LRRC7: variants seen among roughly 807,000 people sequenced by gnomAD.
LRRC7 encodes leucine-rich repeat-containing protein 7.
LRRC7 carries 23 observed loss-of-function variants against 175.7 expected under a neutral mutation model. The ratio of observed to expected loss-of-function variants is 0.13; its 90% CI spans 0.09 to 0.19. The LOEUF (loss-of-function observed/expected upper bound fraction) is 0.19. LRRC7 is among the 10% of genes least tolerant of loss of function. The pLI is 1.00. For synonymous variants in LRRC7, 685 were observed against 680.9 expected, an observed-to-expected ratio of 1.01 and a Z score of -0.09; for missense variants, 1,354 against 1,904.7, an observed-to-expected ratio of 0.71 and a Z score of 5.38.
At chr1:69,592,192 C>T (rs1646664191) in intron 1 of LRRC7, among the ~76,000 whole-genome samples, 1 of 151,904 alleles carries the variant, frequency 6.6e-6, no homozygotes, top group Non-Finnish European at 1.5e-5. Flanking sequence ...ATACACATAC[C>T]ACCCACAACA....
chr1:69,724,826 G>A (rs35004439), intron 2 of LRRC7, among the ~76,000 whole-genome samples: 13,774 of 151,970 alleles, frequency 0.091, 763 homozygotes, highest in East Asian at 0.26. Context: ...CTGTACTATA[G>A]GAACTTGCTA....
chr1:69,708,579 T>A (rs1664326435), intron 2 of LRRC7, among the ~76,000 whole-genome samples: 3 of 152,180 alleles, frequency 2.0e-5, no homozygotes, highest in Non-Finnish European at 1.5e-5. Flanking sequence ...ATAACAAAAT[T>A]TCTGTGGTAT....
chr1:69,706,106 TA>T (rs1664005403), intron 2 of LRRC7, among the ~76,000 whole-genome samples: 1 of 152,160 alleles, frequency 6.6e-6, no homozygotes, highest in Admixed American at 6.6e-5. Flanking sequence ...ATATTCAAGT[TA>T]ATGGCCTTGT....
intron 2 of LRRC7, among the ~76,000 whole-genome samples, chr1:69,712,289 T>A (rs1328964434): frequency 6.6e-6 from 1 of 151,994 alleles, no homozygotes; most frequent in African/African-American, 2.4e-5. Context: ...CTTTAAAATT[T>A]AATTTTCTAA....
At chr1:69,716,402 C>T (rs1298938548) in intron 2 of LRRC7, among the ~76,000 whole-genome samples, 1 of 151,774 alleles carries the variant, frequency 6.6e-6, no homozygotes, top group African/African-American at 2.4e-5. Context: ...TCTCAGGAAA[C>T]TCATTTTCTG....
intron 1 of LRRC7, among the ~76,000 whole-genome samples, chr1:69,573,295 A>G (rs1645812377): frequency 6.6e-6 from 1 of 152,126 alleles, no homozygotes; most frequent in Admixed American, 6.6e-5. Context: ...TCATGGCATA[A>G]ATTGAAGTTC....
rs1027221483 is a variant in LRRC7 at position 70,144,200 on chromosome 1, T to C, written c.*22313T>C. ...ATTAGAATGCATTTTGAAGATGCTT[T>C]CTGTACAGATACAAAATACAGGGAC... is the stretch of plus-strand genomic sequence containing the variant. On this transcript the variant is annotated 3_prime_UTR_variant, in exon 27 of 27. Transcript: ENST00000651989. 6.6e-6 allele frequency: 1 copy of C among 152,358 alleles called. No individual in the cohort carries two copies. The highest frequency in any genetic ancestry group is 1.9e-4 in the East Asian group (1 of 5,194). The allele number at this position is 152,358 out of a possible 1,614,324, so 9.4% of individuals were successfully genotyped here. A position where few individuals can be genotyped will look rare whatever the true frequency, so the allele number is the denominator to read the frequency against.
chr1:69,700,636 A>G (rs889785623), intron 2 of LRRC7, among the ~76,000 whole-genome samples: 3 of 152,210 alleles, frequency 2.0e-5, no homozygotes, highest in Admixed American at 2.0e-4. Flanking sequence ...GTAGGAGCTT[A>G]GAAACACACC....
chr1:70,141,519 T>G lies in LRRC7; in HGVS notation c.*19632T>G, dbSNP rs970599057. ...ACAAGCAGGAACTGTTTGTCAGAAA[T>G]TAAACAGGACTTATTTGAATGTGCT... On this transcript the variant is annotated 3_prime_UTR_variant, in exon 27 of 27. Transcript: ENST00000651989. 9 of 152,046 alleles carry G rather than the reference T, an allele frequency of 5.9e-5. No homozygotes were observed. The highest frequency in any genetic ancestry group is 2.2e-4 in the African/African-American group (9 of 41,430). 9.4% of individuals were successfully genotyped at this position (152,046 alleles called of 1,614,324 possible). A position where few individuals can be genotyped will look rare whatever the true frequency, so the allele number is the denominator to read the frequency against.
intron 5 of LRRC7, among the ~76,000 whole-genome samples, chr1:69,829,815 T>G (rs1462243575): frequency 6.6e-6 from 1 of 151,802 alleles, no homozygotes. Context: ...CAACTTATGA[T>G]TGTCATCTTC....
chr1:69,999,605 T>C (rs1202438971), intron 11 of LRRC7, among the ~76,000 whole-genome samples: 1 of 152,080 alleles, frequency 6.6e-6, no homozygotes, highest in African/African-American at 2.4e-5. Context: ...CACTGAAGCA[T>C]TAGCTGGGTA....
intron 4 of LRRC7, among the ~76,000 whole-genome samples, chr1:69,800,383 G>A (rs1295411739): frequency 6.6e-6 from 1 of 151,890 alleles, no homozygotes; most frequent in Non-Finnish European, 1.5e-5. Context: ...GGAGTGGAAT[G>A]TTTTCCCATT....
At chr1:69,703,787 A>C (rs992239746) in intron 2 of LRRC7, among the ~76,000 whole-genome samples, 1 of 151,990 alleles carries the variant, frequency 6.6e-6, no homozygotes, top group African/African-American at 2.4e-5. Context: ...TTGCCTTTTA[A>C]TTAATAATCC....
chr1:69,945,452 G>C (rs539209103), intron 8 of LRRC7, among the ~76,000 whole-genome samples: 1 of 152,102 alleles, frequency 6.6e-6, no homozygotes, highest in South Asian at 2.1e-4. Flanking sequence ...CTCTAGCTTT[G>C]TTCTTTTTGC....
chr1:70,045,930 C>T (rs1381044400), intron 22 of LRRC7, among the ~76,000 whole-genome samples: 1 of 152,124 alleles, frequency 6.6e-6, no homozygotes, highest in Non-Finnish European at 1.5e-5. Context: ...ATTGTCTCCA[C>T]CTGGCCCCAC....
At chr1:69,927,177 C>G (rs996001176) in intron 7 of LRRC7, among the ~76,000 whole-genome samples, 10 of 152,190 alleles carry the variant, frequency 6.6e-5, no homozygotes, top group Non-Finnish European at 8.8e-5. Context: ...CAAGAGATCC[C>G]ATGTTAGTCT....
At chr1:69,583,747 A>G (rs545779082) in intron 1 of LRRC7, among the ~76,000 whole-genome samples, 4 of 152,190 alleles carry the variant, frequency 2.6e-5, no homozygotes, top group Admixed American at 1.3e-4. Context: ...GGGGTTGAGC[A>G]AAGTCATTTG....
intron 1 of LRRC7, among the ~76,000 whole-genome samples, chr1:69,593,705 A>G (rs968612233): frequency 3.3e-5 from 5 of 152,150 alleles, no homozygotes; most frequent in Non-Finnish European, 5.9e-5. Flanking sequence ...AGGTGTACAT[A>G]TTTACAGCTG....
At chr1:70,054,136 T>C (rs1222448470) in intron 23 of LRRC7, among the ~76,000 whole-genome samples, 1 of 152,156 alleles carries the variant, frequency 6.6e-6, no homozygotes, top group African/African-American at 2.4e-5. Flanking sequence ...CTAGAAAAAT[T>C]ATCATACATG....
Sources: gnomAD v4.1 joint callset for allele counts (sites outside exome capture counted in the v4.1 genomes callset) on GRCh38, gnomAD v4.1.1 for gene constraint, MANE v1.5 for transcripts, NCBI Gene and HGNC (gene_info 2026-07-23, HGNC 2026-07-21) for gene names.